Variants in ANKS1B observed in about 807,000 individuals in gnomAD.
ANKS1B encodes the protein ankyrin repeat and sterile alpha motif domain containing 1B.
ANKS1B carries 36 observed loss-of-function variants against 148.3 expected under a neutral mutation model. The observed-to-expected ratio is 0.24, with a 90% CI of 0.19 to 0.32. ANKS1B has a LOEUF of 0.32. Among genes scored for constraint, ANKS1B ranks in the 10% least tolerant of loss-of-function variants. ANKS1B has a pLI of 1.00. For missense variants in ANKS1B, 1,157 were observed against 1,542.6 expected, an observed-to-expected ratio of 0.75 and a Z score of 4.19; for synonymous variants, 542 against 560.8, an observed-to-expected ratio of 0.97 and a Z score of 0.47.
chr12:98,924,837 A>C (rs1409386902), intron 17 of ANKS1B, among the ~76,000 whole-genome samples: 2 of 152,224 alleles, frequency 1.3e-5, no homozygotes, highest in African/African-American at 2.4e-5. Flanking sequence ...ACTCCACTCC[A>C]AACTAAGACA....
At chr12:99,870,548 A>G (rs1211489639) in intron 1 of ANKS1B, among the ~76,000 whole-genome samples, 1 of 152,220 alleles carries the variant, frequency 6.6e-6, no homozygotes, top group Non-Finnish European at 1.5e-5. Context: ...TCCTACCAAC[A>G]GTATGTAAGT....
chr12:99,763,583 T>G (rs977550353), intron 8 of ANKS1B, among the ~76,000 whole-genome samples: 5 of 151,926 alleles, frequency 3.3e-5, no homozygotes, highest in African/African-American at 1.2e-4. Flanking sequence ...AATAAATCAT[T>G]TGTACACCAA....
At chr12:99,935,357 CAAA>C (rs10629199) in intron 1 of ANKS1B, among the ~76,000 whole-genome samples, 1 of 130,216 alleles carries the variant, frequency 7.7e-6, no homozygotes. Flanking sequence ...AGATGCCTGA[CAAA>C]AAAAAAAAAA....
chr12:99,017,475 A>T (rs1014762383), intron 17 of ANKS1B, among the ~76,000 whole-genome samples: 1 of 152,162 alleles, frequency 6.6e-6, no homozygotes, highest in Non-Finnish European at 1.5e-5. Flanking sequence ...GCTATGTTAG[A>T]ACCCAAGATT....
chr12:98,917,564 G>A (rs112360286), intron 17 of ANKS1B, among the ~76,000 whole-genome samples: 3,144 of 152,294 alleles, frequency 0.021, 53 homozygotes, highest in South Asian at 0.036. Flanking sequence ...AATACGAAGC[G>A]TAAGACCACA....
At chr12:99,143,461 C>T (rs573917461) in intron 15 of ANKS1B, among the ~76,000 whole-genome samples, 8 of 152,174 alleles carry the variant, frequency 5.3e-5, no homozygotes, top group South Asian at 4.1e-4. Flanking sequence ...GTCAGGGAGA[C>T]GCATGCAATG....
chr12:99,736,464 C>A (rs2059625516), intron 8 of ANKS1B, among the ~76,000 whole-genome samples: 2 of 151,428 alleles, frequency 1.3e-5, no homozygotes, highest in African/African-American at 4.8e-5. Context: ...AATGACATAG[C>A]TGAAAAAGAA....
chr12:99,531,491 TTA>T (rs1272108285), intron 9 of ANKS1B, among the ~76,000 whole-genome samples: 1 of 152,168 alleles, frequency 6.6e-6, no homozygotes, highest in African/African-American at 2.4e-5. Context: ...GTTACTTCAC[TTA>T]GGATAATGGC....
chr12:99,975,894 G>A (rs139359502), intron 1 of ANKS1B, among the ~76,000 whole-genome samples: 44 of 152,194 alleles, frequency 2.9e-4, no homozygotes, highest in Non-Finnish European at 5.9e-4. Context: ...AAAGACACAT[G>A]CATTCATGTT....
chr12:99,336,220 G>A (rs564634696), intron 12 of ANKS1B, among the ~76,000 whole-genome samples: 1 of 152,088 alleles, frequency 6.6e-6, no homozygotes, highest in South Asian at 2.1e-4. Context: ...TGGACTACTA[G>A]ATGTTTTTTT....
At chr12:98,763,994 C>T (rs2098447550) in intron 25 of ANKS1B, among the ~76,000 whole-genome samples, 2 of 152,354 alleles carry the variant, frequency 1.3e-5, no homozygotes, top group East Asian at 1.9e-4. Context: ...TGCAGCCCAA[C>T]ACACTGGTCA....
rs369104539 is a variant in ANKS1B at position 99,885,310 on chromosome 12, CT to C, written c.135-59922del. Among the ~76,000 whole-genome samples the C allele has an allele frequency of 4.9e-3, 640 of 129,904 alleles. 1 individual carries two copies. Among genetic ancestry groups the C allele is most frequent in the African/African-American group, 0.014 (501 of 36,078 alleles). The allele number at this position is 129,904 out of a possible 152,430, so 85.2% of individuals were successfully genotyped here. A position where few individuals can be genotyped will look rare whatever the true frequency, so the allele number is the denominator to read the frequency against. ...CTTATTTCATAACACTTCTCATGTC[CT>C]TTTTTTTTTTTTTTTTTGAGACAGA... On this transcript the variant is annotated intron_variant, in intron 1 of 26. Transcript: ENST00000683438.
At chr12:99,371,323 G>T (rs543394895) in intron 12 of ANKS1B, among the ~76,000 whole-genome samples, 1 of 152,162 alleles carries the variant, frequency 6.6e-6, no homozygotes, top group South Asian at 2.1e-4. Flanking sequence ...TAGGCTCCCA[G>T]GAAGCCCTAA....
intron 9 of ANKS1B, among the ~76,000 whole-genome samples, chr12:99,539,850 C>T (rs2097108313): frequency 6.6e-6 from 1 of 152,016 alleles, no homozygotes; most frequent in African/African-American, 2.4e-5. Flanking sequence ...GCTGAGATTA[C>T]AGACAAGCCA....
At position 99,523,617 on chromosome 12, in the gene ANKS1B, G is replaced by A. The variant is rs1375246424; in HGVS notation, c.1273-18976C>T. ...TGCCCAGGCTGGAGTGCAGGGGCGC[G>A]ATCTTGGCTCACTGCAAGCTCCGCC... is the stretch of plus-strand genomic sequence containing the variant. On this transcript the variant is annotated intron_variant, in intron 9 of 26. Transcript: ENST00000683438. Among the ~76,000 whole-genome samples the A allele has an allele frequency of 4.7e-5, 7 of 149,048 alleles. No individual in the cohort carries two copies. In the East Asian group the frequency reaches 6.0e-4, roughly 13 times the overall value.
intron 22 of ANKS1B, among the ~76,000 whole-genome samples, chr12:98,791,736 T>TA (rs554097956): frequency 6.6e-6 from 1 of 152,232 alleles, no homozygotes; most frequent in African/African-American, 2.4e-5. Flanking sequence ...CAGAGACTTT[T>TA]AAAAAAATAG....
At chr12:99,096,708 A>G (rs1385984294) in intron 15 of ANKS1B, among the ~76,000 whole-genome samples, 5 of 152,160 alleles carry the variant, frequency 3.3e-5, no homozygotes, top group Admixed American at 3.3e-4. Flanking sequence ...TTTTAACTCC[A>G]TTTTCTTCAC....
chr12:98,919,028 C>T (rs181376399), intron 17 of ANKS1B, among the ~76,000 whole-genome samples: 58 of 152,144 alleles, frequency 3.8e-4, no homozygotes, highest in African/African-American at 1.1e-3. Context: ...ATTTGAGGCA[C>T]GGAAGTTTTA....
At chr12:99,370,311 T>C (rs898510923) in intron 12 of ANKS1B, among the ~76,000 whole-genome samples, 1 of 152,142 alleles carries the variant, frequency 6.6e-6, no homozygotes, top group African/African-American at 2.4e-5. Context: ...AGGGGAAATA[T>C]TGGCAGGGAT....
Sources: allele counts gnomAD v4.1 joint callset (sites outside exome capture counted in the v4.1 genomes callset), GRCh38; gene constraint gnomAD v4.1.1; transcripts MANE v1.5; gene names NCBI Gene and HGNC (gene_info 2026-07-23, HGNC 2026-07-21).